Variants in COX11 observed in about 807,000 individuals in gnomAD.
COX11 encodes cytochrome c oxidase copper chaperone COX11.
Under a neutral mutation model 29.4 loss-of-function variants are expected in COX11, and 18 were observed. That is an observed-to-expected ratio of 0.61 (90% CI 0.42 to 0.91). The LOEUF (loss-of-function observed/expected upper bound fraction) is 0.91, where lower values mean the gene tolerates loss of function less well. Among genes scored for constraint, COX11 ranks in the 40% least tolerant of loss-of-function variants. COX11 has a pLI of 0.00. For missense variants in COX11, 312 were observed against 346.0 expected, an observed-to-expected ratio of 0.90 and a Z score of 0.78; for synonymous variants, 131 against 124.0, an observed-to-expected ratio of 1.06 and a Z score of -0.38.
At chr17:54,959,035 T>C (rs1029410224), downstream of COX11, among the ~76,000 whole-genome samples, 2 of 152,202 alleles carry the variant, frequency 1.3e-5, no homozygotes, top group African/African-American at 4.8e-5. Context: ...GAAGTTTCCA[T>C]ATCAAGACAT....
downstream of COX11, among the ~76,000 whole-genome samples, chr17:54,956,601 G>A (rs116901735): frequency 6.6e-6 from 1 of 151,966 alleles, no homozygotes; most frequent in Admixed American, 6.6e-5. Flanking sequence ...AAGCCACCGT[G>A]CCTAGCCTTT....
Position 54,968,357 on chromosome 17 carries a change from G to A in COX11, c.290C>T (p.Thr97Ile), listed in dbSNP as rs780231654. The A allele has an allele frequency of 3.7e-6, 6 of 1,612,900 alleles. No homozygotes were observed. Among genetic ancestry groups the A allele is most frequent in the Middle Eastern group, 1.6e-4 (1 of 6,084 alleles). Reference protein sequence around the residue: ...ERRRQNKTTLTYVAAVAVGML... With the variant: ...ERRRQNKTTLIYVAAVAVGML... ...GCCCACGGCGACAGCGGCCACGTAA[G>A]TGAGGGTCGTCTTGTTCTGCCGCCG... Residue 97 changes from threonine (T) to isoleucine (I), a missense_variant, in exon 1 of 4, where the codon ACT (threonine) becomes ATT (isoleucine). By Grantham distance (89) the Thr-to-Ile change is moderately conservative. Coordinates refer to ENST00000299335, the MANE Select transcript of COX11 (RefSeq NM_004375.5).
Position 54,962,712 on chromosome 17 carries a change from A to AG in COX11, c.*20dup. Reference sequence around the variant, plus strand: ...ATTTTCCCAAAAATCACAACTTTGAAGGAAGACTTAGTTGCTGACTTCAAT... The same window carrying AG: ...ATTTTCCCAAAAATCACAACTTTGAAGGGAAGACTTAGTTGCTGACTTCAAT... On this transcript the variant is annotated 3_prime_UTR_variant, in exon 4 of 4. Transcript: ENST00000299335. 1 of 1,602,760 alleles carries AG rather than the reference A, an allele frequency of 6.2e-7. No homozygotes were observed. Among genetic ancestry groups the AG allele is most frequent in the East Asian group, 2.2e-5 (1 of 44,590 alleles).
downstream of COX11, chr17:54,958,246 GC>G (rs1439416187): frequency 6.6e-6 from 1 of 152,200 alleles, no homozygotes; most frequent in Non-Finnish European, 1.5e-5. Context: ...AGTGCCAGGG[GC>G]AGACAAGTAA....
intron 2 of COX11, 44 bp from the exon 3 acceptor site, chr17:54,963,475 A>C: frequency 6.4e-7 from 1 of 1,560,914 alleles, no homozygotes; most frequent in Non-Finnish European, 8.6e-7. Flanking sequence ...TGAATCTCAC[A>C]AAGTTCCTCT....
At chr17:54,963,692 G>C (rs533951402) in intron 2 of COX11, among the ~76,000 whole-genome samples, 55 of 152,112 alleles carry the variant, frequency 3.6e-4, no homozygotes, top group Non-Finnish European at 7.5e-4. Flanking sequence ...AGGTCTTCAA[G>C]GAATAATCGG....
At chr17:54,968,688 G>A (rs77062122), upstream of COX11, 1 of 1,579,576 alleles carries the variant, frequency 6.3e-7, no homozygotes, top group East Asian at 2.2e-5. Context: ...AGGGACGAGA[G>A]GTCAAATCTC....
Position 54,961,614 on chromosome 17 carries a change from A to G in COX11, c.*1119T>C. On this transcript the variant is annotated 3_prime_UTR_variant, in exon 4 of 4. Coordinates refer to ENST00000299335, the MANE Select transcript of COX11 (RefSeq NM_004375.5). ...TATGAAATAATTCTGAATAGATGAAAGCATAAAATGTGAGAAACTGAATGT... is the reference window on the plus strand; with the variant it reads ...TATGAAATAATTCTGAATAGATGAAGGCATAAAATGTGAGAAACTGAATGT... 8.7e-7 allele frequency: 1 copy of G among 1,144,746 alleles called. No homozygotes were observed. The highest frequency in any genetic ancestry group is 1.1e-6 in the Non-Finnish European group (1 of 931,466). The allele number at this position is 1,144,746 out of a possible 1,614,324, so 70.9% of individuals were successfully genotyped here.
rs1469272063 is a variant in COX11 at position 54,961,910 on chromosome 17, T to C, written c.*823A>G. The C allele has an allele frequency of 5.5e-6, 5 of 902,804 alleles. No homozygotes were observed. In the East Asian group the frequency reaches 5.9e-4, roughly 106 times the overall value. The allele number at this position is 902,804 out of a possible 1,614,324, so 55.9% of individuals were successfully genotyped here. A position where few individuals can be genotyped will look rare whatever the true frequency, so the allele number is the denominator to read the frequency against. ...TTAGAACACAGAAAATGAAAATATTTAGAATAAGTTGTACATTTGATGACA... is the reference window on the plus strand; with the variant it reads ...TTAGAACACAGAAAATGAAAATATTCAGAATAAGTTGTACATTTGATGACA... On this transcript the variant is annotated 3_prime_UTR_variant, in exon 4 of 4. Transcript: ENST00000299335.
At position 54,962,137 on chromosome 17, in the gene COX11, T is replaced by C. The variant is rs1335128669; in HGVS notation, c.*596A>G. The C allele has an allele frequency of 1.1e-6, 1 of 952,346 alleles. No homozygotes were observed. Among genetic ancestry groups the C allele is most frequent in the African/African-American group, 1.8e-5 (1 of 56,608 alleles). 59.0% of individuals were successfully genotyped at this position (952,346 alleles called of 1,614,324 possible). A position where few individuals can be genotyped will look rare whatever the true frequency, so the allele number is the denominator to read the frequency against. On this transcript the variant is annotated 3_prime_UTR_variant, in exon 4 of 4. Transcript: ENST00000299335. Reference sequence around the variant, plus strand: ...TGATACTACAGTTTCAAAGTAATTATTCAGAACTCTGAATATAAAATAGCC... The same window carrying C: ...TGATACTACAGTTTCAAAGTAATTACTCAGAACTCTGAATATAAAATAGCC...
intron 2 of COX11, 40 bp from the exon 3 acceptor site, chr17:54,963,471 T>C (rs1437505598): frequency 1.3e-6 from 2 of 1,562,824 alleles, no homozygotes; most frequent in Non-Finnish European, 8.6e-7. Flanking sequence ...ACTTTGAATC[T>C]CACAAAGTTC....
chr17:54,956,430 G>C (rs967415407), downstream of COX11, among the ~76,000 whole-genome samples: 20 of 151,986 alleles, frequency 1.3e-4, no homozygotes, highest in African/African-American at 4.8e-4. Context: ...TCAGCCTCCT[G>C]AGTAGCTGGG....
Position 54,968,370 on chromosome 17 carries a change from T to C in COX11, c.277A>G (p.Lys93Glu). ...AQEEERRRQN[K>E]TTLTYVAAVA... ...GCGGCCACGTAAGTGAGGGTCGTCTTGTTCTGCCGCCGCCGCTCCTCCTCC... is the reference window on the plus strand; with the variant it reads ...GCGGCCACGTAAGTGAGGGTCGTCTCGTTCTGCCGCCGCCGCTCCTCCTCC... The change falls in exon 1 of 4, where the codon AAG becomes GAG. Residue 93 changes from lysine (K) to glutamate (E), a missense_variant. Lys to Glu is a moderately conservative substitution (Grantham distance 56). This residue lies in a region of COX11 where 182 missense variants were observed against 240.0 expected (regional missense o/e 0.76). Coordinates refer to ENST00000299335, the MANE Select transcript of COX11 (RefSeq NM_004375.5). The C allele has an allele frequency of 1.9e-6, 3 of 1,612,938 alleles. No individual in the cohort carries two copies. The highest frequency in any genetic ancestry group is 2.5e-6 in the Non-Finnish European group (3 of 1,179,938).
downstream of COX11, among the ~76,000 whole-genome samples, chr17:54,960,057 GAGACATAGGAATTGCAACAAT>G (rs2077075372): frequency 6.6e-6 from 1 of 152,050 alleles, no homozygotes; most frequent in African/African-American, 2.4e-5. Flanking sequence ...ATACTTTTAA[GAGACATAGGAATTGCAACAAT>G]AAGGCCGGGT....
chr17:54,955,001 A>T (rs532433614), exon 1 of COX11: 2 of 152,184 alleles, frequency 1.3e-5, no homozygotes, highest in Non-Finnish European at 2.9e-5. Context: ...TCATGGGTGG[A>T]TATGCAGTTT....
At chr17:54,967,634 G>C (rs1289273432) in intron 1 of COX11, among the ~76,000 whole-genome samples, 2 of 136,744 alleles carry the variant, frequency 1.5e-5, no homozygotes, top group African/African-American at 2.8e-5. Context: ...TCCTGGAGTC[G>C]GGCCCTAGAA....
downstream of COX11, chr17:54,957,029 T>C (rs2049546746): frequency 6.6e-6 from 1 of 152,244 alleles, no homozygotes; most frequent in African/African-American, 2.4e-5. Context: ...TGCTGAGGTC[T>C]GTCATGAACT....
At chr17:54,960,297 A>C (rs1021986258), downstream of COX11, among the ~76,000 whole-genome samples, 3 of 152,140 alleles carry the variant, frequency 2.0e-5, no homozygotes, top group Non-Finnish European at 4.4e-5. Context: ...CCTGGGAGGC[A>C]GAGGTTGCAG....
chr17:54,958,701 G>A (rs1273393588), downstream of COX11, among the ~76,000 whole-genome samples: 3 of 132,460 alleles, frequency 2.3e-5, no homozygotes, highest in African/African-American at 8.4e-5. Flanking sequence ...TTGCACTCTA[G>A]CGTGGGCAAC....
Sources: allele counts gnomAD v4.1 joint callset (sites outside exome capture counted in the v4.1 genomes callset), GRCh38; gene constraint gnomAD v4.1.1; regional missense constraint gnomAD v4.1.1; transcripts MANE v1.5; gene names NCBI Gene and HGNC (gene_info 2026-07-23, HGNC 2026-07-21).